Variants in BCAS4 observed in about 807,000 individuals in gnomAD.
BCAS4 encodes breast carcinoma amplified sequence 4.
In BCAS4, 9 loss-of-function variants were observed where a neutral mutation model predicts 15.7. That is an observed-to-expected ratio of 0.57 (90% CI 0.34 to 1.00). The LOEUF is 1.00. Among genes scored for constraint, BCAS4 ranks in the 50% least tolerant of loss-of-function variants. BCAS4 has a pLI of 0.02. For missense variants in BCAS4, 225 were observed against 239.1 expected (o/e 0.94, Z 0.39); for synonymous variants, 101 against 99.5 (o/e 1.02, Z -0.09).
In BCAS4 at chr20:50,875,552, G is replaced by A. The variant is rs1230744256; in HGVS notation, c.400-934G>A. 4.1e-5 allele frequency among the ~76,000 whole-genome samples: 6 copies of A among 147,938 alleles called. No individual in the cohort carries two copies. The East Asian group carries it at 8.0e-4, about 20-fold the overall frequency. ...GGCCGAGGCGGGCGAGTCACCGGAG[G>A]CCAGGAATTTGAGACTAGCCTGACC... On this transcript the variant is annotated intron_variant, in intron 4 of 4. Coordinates refer to ENST00000371608, the MANE Select transcript of BCAS4 (RefSeq NM_198799.4).
intron 4 of BCAS4, among the ~76,000 whole-genome samples, chr20:50,850,862 C>T (rs573579579): frequency 1.3e-5 from 2 of 152,304 alleles, no homozygotes; most frequent in South Asian, 4.1e-4. Context: ...TGCCTGCCTC[C>T]CAGATTTCTT....
intron 3 of BCAS4, among the ~76,000 whole-genome samples, chr20:50,836,710 A>G (rs1465252238): frequency 2.0e-5 from 3 of 151,974 alleles, no homozygotes; most frequent in Admixed American, 6.6e-5. Flanking sequence ...TTGACCCTTT[A>G]TCAGTTGTAT....
chr20:50,861,977 C>G (rs1048931914), intron 4 of BCAS4, among the ~76,000 whole-genome samples: 5 of 151,652 alleles, frequency 3.3e-5, no homozygotes, highest in Non-Finnish European at 5.9e-5. Context: ...CCTCAGCCTC[C>G]CACATAGCTG....
At chr20:50,799,793 C>T (rs970096107) in intron 1 of BCAS4, among the ~76,000 whole-genome samples, 12 of 152,176 alleles carry the variant, frequency 7.9e-5, no homozygotes, top group East Asian at 3.9e-4. Flanking sequence ...CAGTGGCTCA[C>T]GCCTGTAATC....
At chr20:50,811,130 T>G (rs1435573225) in intron 1 of BCAS4, among the ~76,000 whole-genome samples, 2 of 151,180 alleles carry the variant, frequency 1.3e-5, no homozygotes, top group Non-Finnish European at 1.5e-5. Context: ...CAGGGGGAGG[T>G]GGAGGCTCCA....
At position 50,839,145 on chromosome 20, in the gene BCAS4, C is replaced by A. The variant is rs144669368; in HGVS notation, c.265-2621C>A. ...TTCCTGTTCCTGGTATGAGAAAAAT[C>A]TTTTCTATTTTACTAATGGAACAAA... On this transcript the variant is annotated intron_variant, in intron 3 of 4. Transcript: ENST00000371608. Among the ~76,000 whole-genome samples, 273 of 152,332 alleles carry A rather than the reference C, an allele frequency of 1.8e-3. 1 individual carries two copies. Among genetic ancestry groups the A allele is most frequent in the African/African-American group, 6.3e-3 (260 of 41,570 alleles).
At chr20:50,819,365 A>G (rs558638821) in intron 2 of BCAS4, among the ~76,000 whole-genome samples, 27 of 152,200 alleles carry the variant, frequency 1.8e-4, no homozygotes, top group Admixed American at 1.7e-3. Context: ...GTAGAGCTCC[A>G]TATTGTGACC....
intron 4 of BCAS4, among the ~76,000 whole-genome samples, chr20:50,854,920 G>A (rs1489998560): frequency 2.0e-5 from 3 of 152,204 alleles, no homozygotes; most frequent in African/African-American, 7.2e-5. Flanking sequence ...GAATGGAGTG[G>A]CTCACTCGCC....
intron 1 of BCAS4, among the ~76,000 whole-genome samples, chr20:50,811,406 G>T (rs1014069792): frequency 2.0e-5 from 3 of 152,084 alleles, no homozygotes; most frequent in African/African-American, 7.2e-5. Flanking sequence ...ATAAATGTAT[G>T]ATTTTAAAGT....
At chr20:50,819,663 G>A (rs1291642976) in intron 2 of BCAS4, among the ~76,000 whole-genome samples, 1 of 152,090 alleles carries the variant, frequency 6.6e-6, no homozygotes, top group Non-Finnish European at 1.5e-5. Flanking sequence ...TTCTTCTCTT[G>A]AGTCAATTTT....
chr20:50,841,427 A>C (rs978001062), intron 3 of BCAS4, among the ~76,000 whole-genome samples: 5 of 151,758 alleles, frequency 3.3e-5, no homozygotes, highest in Admixed American at 6.6e-5. Context: ...GTGCCCTGAG[A>C]CCCCCGCCCC....
intron 4 of BCAS4, chr20:50,875,870 AT>A (rs773695610): frequency 4.5e-6 from 2 of 448,642 alleles, no homozygotes; most frequent in Admixed American, 2.4e-5. Context: ...ACGTGTCGGT[AT>A]AGGTCCCTTT....
At chr20:50,868,619 C>T (rs1289076790) in intron 4 of BCAS4, among the ~76,000 whole-genome samples, 2 of 152,150 alleles carry the variant, frequency 1.3e-5, no homozygotes, top group African/African-American at 2.4e-5. Flanking sequence ...ATGGGGGTCT[C>T]GTTCTATTGC....
intron 3 of BCAS4, 45 bp from the exon 4 acceptor site, chr20:50,841,721 C>G (rs1338130635): frequency 6.2e-7 from 1 of 1,613,174 alleles, no homozygotes; most frequent in Non-Finnish European, 8.5e-7. Context: ...GGAATGGGCT[C>G]CAGCCTGCAC....
Position 50,830,890 on chromosome 20 carries a change from A to G in BCAS4, c.264+510A>G, listed in dbSNP as rs562484483. On this transcript the variant is annotated intron_variant, in intron 3 of 4. Transcript: ENST00000371608. ...AATTTGTTTCCAACATTTAAAAATC[A>G]GGGTACTTTATATAAAAATCTGCAT... 7.9e-4 allele frequency among the ~76,000 whole-genome samples: 120 copies of G among 152,242 alleles called. 1 individual carries two copies. The highest frequency in any genetic ancestry group is 2.8e-3 in the African/African-American group (118 of 41,560).
chr20:50,845,181 C>A (rs2088528765), intron 4 of BCAS4, among the ~76,000 whole-genome samples: 1 of 152,022 alleles, frequency 6.6e-6, no homozygotes, highest in African/African-American at 2.4e-5. Context: ...GCTTGCCCAC[C>A]CAGAAAATGG....
intron 4 of BCAS4, among the ~76,000 whole-genome samples, chr20:50,857,988 C>T (rs1377682175): frequency 6.6e-6 from 1 of 152,092 alleles, no homozygotes; most frequent in Non-Finnish European, 1.5e-5. Flanking sequence ...ACCTCCATGC[C>T]CATCCCGTCC....
chr20:50,870,641 A>G (rs546588832), intron 4 of BCAS4, among the ~76,000 whole-genome samples: 9 of 152,334 alleles, frequency 5.9e-5, no homozygotes, highest in South Asian at 2.1e-4. Flanking sequence ...GAGTTGCCCA[A>G]TGGTCTGATT....
chr20:50,800,465 T>TTGAGC (rs1321539738), intron 1 of BCAS4, among the ~76,000 whole-genome samples: 1 of 151,978 alleles, frequency 6.6e-6, no homozygotes, highest in Non-Finnish European at 1.5e-5. Flanking sequence ...GGGCGGTGCC[T>TTGAGC]TGAGCTGGGT....
Sources: gnomAD v4.1 joint callset for allele counts (sites outside exome capture counted in the v4.1 genomes callset) on GRCh38, gnomAD v4.1.1 for gene constraint, MANE v1.5 for transcripts, NCBI Gene and HGNC (gene_info 2026-07-23, HGNC 2026-07-21) for gene names.